CWC22: variants seen among roughly 807,000 people sequenced by gnomAD.
The protein encoded by CWC22 is pre-mRNA-splicing factor CWC22 homolog.
Under a neutral mutation model 117.2 loss-of-function variants are expected in CWC22, and 53 were observed. That is an observed-to-expected ratio of 0.45 (90% CI 0.36 to 0.57). The LOEUF is 0.57. Among genes scored for constraint, CWC22 ranks in the 20% least tolerant of loss-of-function variants. The probability of loss-of-function intolerance (pLI) is 0.00; values close to 1 mark genes in which losing one functional copy is unlikely to be tolerated. For synonymous variants in CWC22, 360 were observed against 355.6 expected (o/e 1.01, Z -0.14); for missense variants, 980 against 1,068.8 (o/e 0.92, Z 1.16).
At chr2:179,951,249 C>T (rs1474982086) in intron 17 of CWC22, among the ~76,000 whole-genome samples, 1 of 151,744 alleles carries the variant, frequency 6.6e-6, no homozygotes, top group African/African-American at 2.4e-5. Flanking sequence ...TATATACACA[C>T]ACGTATATAT....
At chr2:179,999,807 T>G (rs1687800633) in intron 1 of CWC22, among the ~76,000 whole-genome samples, 1 of 152,116 alleles carries the variant, frequency 6.6e-6, no homozygotes. Flanking sequence ...GAGTTCATAT[T>G]TAAAACAAAA....
rs1686276306 is a variant in CWC22 at position 179,945,712 on chromosome 2, T to C, written c.2144A>G (p.Asn715Ser). The C allele has an allele frequency of 1.3e-6, 2 of 1,541,238 alleles. No homozygotes were observed. Among genetic ancestry groups the C allele is most frequent in the Non-Finnish European group, 1.8e-6 (2 of 1,137,300 alleles). The change falls in exon 20 of 20, where the codon AAT becomes AGT. Residue 715 changes from asparagine (N) to serine (S), a missense_variant. By Grantham distance (46) the Asn-to-Ser change is conservative (BLOSUM62 1). Around this residue, in one of 3 missense-constraint regions of CWC22, gnomAD observed 306 missense variants for 296.8 expected, o/e 1.03. Transcript: ENST00000410053. ...SISSHSSASANDVRKKGHGKT... is the reference protein window; with the variant it reads ...SISSHSSASASDVRKKGHGKT... ...CCCATGTCCCTTCTTTCTTACATCA[T>C]TAGCTGCGTGTGTAAAATAAAAGAC... is the stretch of plus-strand genomic sequence containing the variant.
chr2:180,003,101 C>G (rs1559299967), intron 1 of CWC22, among the ~76,000 whole-genome samples: 1 of 152,188 alleles, frequency 6.6e-6, no homozygotes, highest in Non-Finnish European at 1.5e-5. Flanking sequence ...ACTTGTTCAT[C>G]AAGGAATACA....
At chr2:179,973,519 T>C in intron 7 of CWC22, 115 bp downstream of exon 7, 1 of 743,620 alleles carries the variant, frequency 1.3e-6, no homozygotes, top group Non-Finnish European at 2.2e-6. Flanking sequence ...AAGACAGTTT[T>C]TAAAAAGCAT....
chr2:179,954,250 AG>A lies in CWC22; in HGVS notation c.1643del (p.Ala548ValfsTer21). 1 of 1,612,222 alleles carries A rather than the reference AG, an allele frequency of 6.2e-7. No homozygotes were observed. The highest frequency in any genetic ancestry group is 8.5e-7 in the Non-Finnish European group (1 of 1,178,770). On this transcript the variant is annotated frameshift_variant, in exon 16 of 20. Coordinates refer to ENST00000410053, the MANE Select transcript of CWC22 (RefSeq NM_020943.3). LOFTEE classifies it high-confidence loss of function. ...TGTATAAAAGGTGAGCAAACATCTTAGCAACATTTCGCAACTTGTTTGTTTC... is the reference window on the plus strand; with the variant it reads ...TGTATAAAAGGTGAGCAAACATCTTACAACATTTCGCAACTTGTTTGTTTC... Reference protein sequence around the residue: ...RLETNKLRNVAKMFAHLLYTD... With the variant: ...RLETNKLRNVXKMFAHLLYTD...
At chr2:179,990,861 G>A (rs1179898302) in intron 2 of CWC22, among the ~76,000 whole-genome samples, 3 of 152,180 alleles carry the variant, frequency 2.0e-5, no homozygotes, top group Non-Finnish European at 4.4e-5. Context: ...TCTTGAGTAG[G>A]AAACAATCAC....
chr2:179,960,021 T>C (rs1214903037), intron 13 of CWC22, among the ~76,000 whole-genome samples: 2 of 152,122 alleles, frequency 1.3e-5, no homozygotes, highest in Non-Finnish European at 2.9e-5. Flanking sequence ...TGTGATTTTC[T>C]TCATTTTAAG....
intron 15 of CWC22, among the ~76,000 whole-genome samples, 155 bp from the exon 16 acceptor site, chr2:179,954,512 A>T (rs1686533544): frequency 6.6e-6 from 1 of 152,124 alleles, no homozygotes; most frequent in African/African-American, 2.4e-5. Context: ...ATGATGCTCA[A>T]AAAAGAAGTT....
chr2:179,948,138 T>C (rs79165051), intron 19 of CWC22, among the ~76,000 whole-genome samples: 3,541 of 152,280 alleles, frequency 0.023, 138 homozygotes, highest in African/African-American at 0.08. Context: ...TTTTAAAATG[T>C]TGCATTGAAA....
chr2:179,979,911 C>T (rs1687245785), intron 5 of CWC22, among the ~76,000 whole-genome samples: 1 of 152,186 alleles, frequency 6.6e-6, no homozygotes, highest in African/African-American at 2.4e-5. Context: ...CCACAATTCA[C>T]GTATCTACTG....
chr2:179,973,754 G>T lies in CWC22; in HGVS notation c.630C>A (p.Ile210=). The change falls in exon 7 of 20, where the codon ATC becomes ATA. Residue 210 remains isoleucine (I), a synonymous_variant. Transcript: ENST00000410053. ...SVLQAQSASP[I]FTHVYAALVA... is the part of the protein sequence containing the mutation. The stretch of plus-strand genomic sequence containing the variant: ...CTAATGCTGCATAAACATGGGTGAA[G>T]ATTGGAGAAGCACTCTGTGCTTGCA... 1 of 1,611,740 alleles carries T rather than the reference G, an allele frequency of 6.2e-7. No individual in the cohort carries two copies. The highest frequency in any genetic ancestry group is 8.5e-7 in the Non-Finnish European group (1 of 1,178,482).
At chr2:180,005,585 A>G (rs1687951448) in intron 1 of CWC22, among the ~76,000 whole-genome samples, 1 of 152,098 alleles carries the variant, frequency 6.6e-6, no homozygotes, top group Non-Finnish European at 1.5e-5. Flanking sequence ...CAAACAAAAC[A>G]AAACAAAACA....
chr2:179,960,278 A>G (rs1223022919), intron 13 of CWC22, among the ~76,000 whole-genome samples: 2 of 152,022 alleles, frequency 1.3e-5, no homozygotes, highest in East Asian at 1.9e-4. Context: ...TCAGGTCCAG[A>G]TCTCAAAGAG....
chr2:179,968,911 ATACTAGGTTTGC>A (rs1275231470), intron 11 of CWC22, among the ~76,000 whole-genome samples: 106 of 152,310 alleles, frequency 7.0e-4, no homozygotes, highest in African/African-American at 2.0e-3. Flanking sequence ...ATGTTAACAT[ATACTAGGTTTGC>A]TATTATTCTG....
rs527356948 is a variant in CWC22, at chr2:180,005,405, G to A, written c.-114+1462C>T. On this transcript the variant is annotated intron_variant, in intron 1 of 19. Coordinates refer to ENST00000410053, the MANE Select transcript of CWC22 (RefSeq NM_020943.3). ...ATCCTGGCTAACACAGTGAAACCCCGTCTCTACTAAAAATACAAAAAATTA... is the reference window on the plus strand; with the variant it reads ...ATCCTGGCTAACACAGTGAAACCCCATCTCTACTAAAAATACAAAAAATTA... 2.6e-5 allele frequency among the ~76,000 whole-genome samples: 4 copies of A among 152,176 alleles called. No homozygotes were observed. The East Asian group carries it at 7.7e-4, about 29-fold the overall frequency.
At chr2:180,004,610 G>T (rs991516287) in intron 1 of CWC22, among the ~76,000 whole-genome samples, 1 of 152,062 alleles carries the variant, frequency 6.6e-6, no homozygotes, top group Non-Finnish European at 1.5e-5. Context: ...GGCCAGGCTG[G>T]TCTATCTCAA....
chr2:180,000,020 T>C (rs1331516285), intron 1 of CWC22, among the ~76,000 whole-genome samples: 2 of 151,874 alleles, frequency 1.3e-5, no homozygotes, highest in Admixed American at 1.3e-4. Flanking sequence ...CAAATAGGAG[T>C]AACAGATTGG....
chr2:179,988,343 T>G (rs1687472992), intron 3 of CWC22, among the ~76,000 whole-genome samples: 1 of 152,220 alleles, frequency 6.6e-6, no homozygotes, highest in African/African-American at 2.4e-5. Context: ...CTTTGAAACA[T>G]TAAAAATTAC....
At chr2:180,003,404 C>G (rs1445429821) in intron 1 of CWC22, among the ~76,000 whole-genome samples, 2 of 152,202 alleles carry the variant, frequency 1.3e-5, no homozygotes, top group Non-Finnish European at 2.9e-5. Flanking sequence ...TCAAACCACT[C>G]TCTCCTGTCC....
Sources: allele counts gnomAD v4.1 joint callset (sites outside exome capture counted in the v4.1 genomes callset), GRCh38; gene constraint gnomAD v4.1.1; regional missense constraint gnomAD v4.1.1; transcripts MANE v1.5; gene names NCBI Gene and HGNC (gene_info 2026-07-23, HGNC 2026-07-21).